Variants in ODAD2 observed in about 807,000 individuals in gnomAD.
ODAD2 encodes the protein outer dynein arm-docking complex subunit 2.
ODAD2 carries 89 observed loss-of-function variants against 106.8 expected under a neutral mutation model. That is an observed-to-expected ratio of 0.83 (90% confidence interval 0.70 to 0.99). ODAD2 has a LOEUF of 0.99. ODAD2 is among the 50% of genes least tolerant of loss of function. The pLI is 0.00. For missense variants in ODAD2, 1,168 were observed against 1,238.5 expected, an observed-to-expected ratio of 0.94 and a Z score of 0.85; for synonymous variants, 404 against 436.2, an observed-to-expected ratio of 0.93 and a Z score of 0.92.
intron 19 of ODAD2, among the ~76,000 whole-genome samples, chr10:27,851,077 A>C (rs1839226016): frequency 6.6e-6 from 1 of 152,164 alleles, no homozygotes; most frequent in Non-Finnish European, 1.5e-5. Flanking sequence ...TATGAGAAGA[A>C]ACTGTTTGAG....
chr10:27,938,814 G>A (rs1846184014), intron 14 of ODAD2, among the ~76,000 whole-genome samples: 1 of 151,968 alleles, frequency 6.6e-6, no homozygotes, highest in Non-Finnish European at 1.5e-5. Context: ...TGGCCAGGCT[G>A]GTCTTGAACC....
intron 10 of ODAD2, among the ~76,000 whole-genome samples, chr10:27,947,153 G>A (rs1464535449): frequency 5.3e-5 from 8 of 152,100 alleles, no homozygotes; most frequent in South Asian, 4.2e-4. Flanking sequence ...ACCAATTTTC[G>A]TACAGTTGGT....
At chr10:27,925,576 T>C (rs1845199111) in intron 16 of ODAD2, among the ~76,000 whole-genome samples, 2 of 152,182 alleles carry the variant, frequency 1.3e-5, no homozygotes, top group Admixed American at 1.3e-4. Flanking sequence ...CAGGCTGGTC[T>C]CAAACTCCTG....
At chr10:27,817,649 G>A (rs1442159444) in intron 19 of ODAD2, among the ~76,000 whole-genome samples, 1 of 152,066 alleles carries the variant, frequency 6.6e-6, no homozygotes, top group Non-Finnish European at 1.5e-5. Flanking sequence ...CATTTATGTT[G>A]CTGCAAAAGA....
chr10:27,819,424 C>T (rs907017663), intron 19 of ODAD2, among the ~76,000 whole-genome samples: 3 of 152,026 alleles, frequency 2.0e-5, no homozygotes, highest in Non-Finnish European at 2.9e-5. Context: ...ATTGTACTCT[C>T]TATCTTCGAG....
chr10:27,908,082 A>C (rs1266419418), intron 16 of ODAD2, among the ~76,000 whole-genome samples: 1 of 152,210 alleles, frequency 6.6e-6, no homozygotes, highest in East Asian at 1.9e-4. Flanking sequence ...AAATGTAAAA[A>C]TACGGGTTTC....
chr10:27,992,858 C>T (rs541891086), intron 2 of ODAD2, among the ~76,000 whole-genome samples: 80 of 152,246 alleles, frequency 5.3e-4, no homozygotes, highest in Non-Finnish European at 9.9e-4. Context: ...AAAATTTGTA[C>T]AAAGGCAAAA....
In ODAD2 at chr10:27,985,060, C is replaced by A. The variant is rs550542420; in HGVS notation, c.534G>T (p.Leu178Phe). The A allele has an allele frequency of 3.1e-6, 5 of 1,608,894 alleles. No homozygotes were observed. The Admixed American group carries it at 5.0e-5, about 16-fold the overall frequency. ...GAGAATGATTGAGGAGGTGCAGATCCAATTGCTTAAGCAGCATAGCAATCT... is the reference window on the plus strand; with the variant it reads ...GAGAATGATTGAGGAGGTGCAGATCAAATTGCTTAAGCAGCATAGCAATCT... Reference protein sequence around the residue: ...KMKIAMLLKQLDLHLLNHSLK... With the variant: ...KMKIAMLLKQFDLHLLNHSLK... Residue 178 changes from leucine (L) to phenylalanine (F), a missense_variant, in exon 4 of 20, where the codon TTG (leucine) becomes TTT (phenylalanine). Transcript: ENST00000305242.
chr10:27,916,149 A>C (rs1254758126), intron 16 of ODAD2, among the ~76,000 whole-genome samples: 1 of 152,142 alleles, frequency 6.6e-6, no homozygotes, highest in Non-Finnish European at 1.5e-5. Context: ...GTGGGGACAG[A>C]GACTGAAAAG....
chr10:27,946,727 A>G (rs1474203933), intron 10 of ODAD2, among the ~76,000 whole-genome samples: 1 of 152,208 alleles, frequency 6.6e-6, no homozygotes, highest in East Asian at 1.9e-4. Context: ...TGGAAATTAC[A>G]TACAAGCTTC....
At chr10:27,862,403 T>A in intron 18 of ODAD2, 31 bp downstream of exon 18, 1 of 1,545,614 alleles carries the variant, frequency 6.5e-7, no homozygotes, top group South Asian at 1.2e-5. Flanking sequence ...CAGGACAATA[T>A]GCATGTAAAA....
At chr10:27,953,926 A>C (rs1018342479) in intron 10 of ODAD2, among the ~76,000 whole-genome samples, 2 of 152,210 alleles carry the variant, frequency 1.3e-5, no homozygotes, top group African/African-American at 4.8e-5. Context: ...AGACAGCCAC[A>C]CCCACTCAGG....
chr10:27,961,220 A>C (rs1372841422), intron 10 of ODAD2, among the ~76,000 whole-genome samples: 1 of 152,200 alleles, frequency 6.6e-6, no homozygotes, highest in East Asian at 1.9e-4. Context: ...CTAGTAAGGG[A>C]AACAGCCTGG....
In ODAD2 at chr10:27,824,073, G is replaced by C. The variant is rs560387916; in HGVS notation, c.3022-11448C>G. Among the ~76,000 whole-genome samples, 12 of 114,324 alleles carry C rather than the reference G, an allele frequency of 1.0e-4. 1 individual carries two copies. In the South Asian group the frequency reaches 2.9e-3, roughly 28 times the overall value. 75.0% of individuals were successfully genotyped at this position (114,324 alleles called of 152,430 possible). A position where few individuals can be genotyped will look rare whatever the true frequency, so the allele number is the denominator to read the frequency against. ...GAGAATGGCGTGAACCCCAGGGGGC[G>C]GAGCCTGCAGTGAGCCGAGATTGCG... On this transcript the variant is annotated intron_variant, in intron 19 of 19. Coordinates refer to ENST00000305242, the MANE Select transcript of ODAD2 (RefSeq NM_018076.5).
At chr10:27,823,600 C>T (rs1173623737) in intron 19 of ODAD2, among the ~76,000 whole-genome samples, 2 of 152,100 alleles carry the variant, frequency 1.3e-5, no homozygotes, top group Admixed American at 1.3e-4. Flanking sequence ...ATGCTATGTG[C>T]CCCTAAATTA....
chr10:27,941,826 T>C (rs1331184212), intron 12 of ODAD2, among the ~76,000 whole-genome samples: 2 of 152,146 alleles, frequency 1.3e-5, no homozygotes, highest in East Asian at 3.9e-4. Context: ...TCCCTGAAGG[T>C]CAACTTCCAC....
At chr10:27,933,288 C>T (rs1229955859) in intron 16 of ODAD2, among the ~76,000 whole-genome samples, 2 of 151,988 alleles carry the variant, frequency 1.3e-5, no homozygotes, top group Non-Finnish European at 2.9e-5. Context: ...GAATGTAACT[C>T]CAGACAATTG....
intron 19 of ODAD2, among the ~76,000 whole-genome samples, chr10:27,840,988 A>G (rs1838266302): frequency 6.6e-6 from 1 of 152,236 alleles, no homozygotes; most frequent in Non-Finnish European, 1.5e-5. Context: ...GAAATAAGGA[A>G]TAAAGCACAT....
intron 6 of ODAD2, among the ~76,000 whole-genome samples, chr10:27,983,426 T>G (rs188859585): frequency 6.6e-6 from 1 of 152,294 alleles, no homozygotes; most frequent in East Asian, 1.9e-4. Flanking sequence ...GGGCACTGTC[T>G]CCTACCTTCT....
Sources: gnomAD v4.1 joint callset for allele counts (sites outside exome capture counted in the v4.1 genomes callset) on GRCh38, gnomAD v4.1.1 for gene constraint, MANE v1.5 for transcripts, NCBI Gene and HGNC (gene_info 2026-07-23, HGNC 2026-07-21) for gene names.